Variants in CLEC4F observed in about 807,000 individuals in gnomAD.
CLEC4F encodes C-type lectin domain family 4 member F.
CLEC4F carries 45 observed loss-of-function variants against 53.4 expected under a neutral mutation model. The observed-to-expected ratio is 0.84, with a 90% confidence interval of 0.66 to 1.08. The LOEUF is 1.08. Ranked by LOEUF, CLEC4F falls within the 50% of genes least tolerant of loss-of-function variation. CLEC4F has a pLI of 0.00. For missense variants in CLEC4F, 753 were observed against 698.2 expected (o/e 1.08, Z -0.88); for synonymous variants, 245 against 257.5 (o/e 0.95, Z 0.46).
upstream of CLEC4F, among the ~76,000 whole-genome samples, chr2:70,825,226 T>A (rs1429505748): frequency 1.3e-5 from 2 of 152,066 alleles, no homozygotes; most frequent in African/African-American, 4.8e-5. Context: ...CTCAAAACTG[T>A]CAAAGTCTTC....
Position 70,814,139 on chromosome 2 carries a change from G to C in CLEC4F, c.1388-1541C>G, listed in dbSNP as rs192190001. Among the ~76,000 whole-genome samples, 461 of 152,348 alleles carry C rather than the reference G, an allele frequency of 3.0e-3. 2 individuals are homozygous for C. The highest frequency in any genetic ancestry group is 0.01 in the African/African-American group (434 of 41,582). ...CTACTTGGTATTCTTGGGACATAAAGGATGGGTGAGTGATGAATTTGGACA... is the reference window on the plus strand; with the variant it reads ...CTACTTGGTATTCTTGGGACATAAACGATGGGTGAGTGATGAATTTGGACA... On this transcript the variant is annotated intron_variant, in intron 4 of 6. Coordinates refer to ENST00000272367, the MANE Select transcript of CLEC4F (RefSeq NM_173535.3).
chr2:70,817,104 G>T lies in CLEC4F; in HGVS notation c.277C>A (p.His93Asn), dbSNP rs1401582387. 1 of 1,607,198 alleles carries T rather than the reference G, an allele frequency of 6.2e-7. No homozygotes were observed. Among genetic ancestry groups the T allele is most frequent in the East Asian group, 2.2e-5 (1 of 44,882 alleles). ...HLPFEPNNHH[H>N]FGREAEMREL... ...CGCATTTCTGCCTCCCTGCCAAAGT[G>T]GTGATGATCTGGAGGGAGGAAGTGA... Residue 93 changes from histidine (H) to asparagine (N), a missense_variant, in exon 4 of 7, where the codon CAC becomes AAC. Transcript: ENST00000272367.
chr2:70,818,298 A>C (rs377472625), intron 3 of CLEC4F, among the ~76,000 whole-genome samples: 1 of 152,258 alleles, frequency 6.6e-6, no homozygotes, highest in African/African-American at 2.4e-5. Flanking sequence ...ATCGAATTTC[A>C]ACAAAGGTGC....
chr2:70,821,288 C>T (rs1321610149), upstream of CLEC4F, among the ~76,000 whole-genome samples: 1 of 152,144 alleles, frequency 6.6e-6, no homozygotes, highest in Non-Finnish European at 1.5e-5. Flanking sequence ...CCCCTTAGGA[C>T]TACACTTGGG....
chr2:70,810,871 G>A (rs533507548), intron 5 of CLEC4F: 60 of 553,332 alleles, frequency 1.1e-4, no homozygotes, highest in Non-Finnish European at 1.8e-4. Context: ...GTTATCCTTG[G>A]ACATCAAATT....
upstream of CLEC4F, among the ~76,000 whole-genome samples, chr2:70,824,237 C>A (rs1677293127): frequency 6.6e-6 from 1 of 151,166 alleles, no homozygotes; most frequent in Admixed American, 6.6e-5. Context: ...TTACACCCTA[C>A]AAAATACAGC....
At chr2:70,820,717 C>A (rs1677191105), upstream of CLEC4F, 4 of 543,942 alleles carry the variant, frequency 7.4e-6, no homozygotes, top group Non-Finnish European at 3.3e-6. Context: ...TAGAGGCTCC[C>A]AGATACCCAT....
chr2:70,811,491 A>T, intron 5 of CLEC4F: 1 of 487,786 alleles, frequency 2.1e-6, no homozygotes, highest in South Asian at 1.8e-5. Context: ...AGCACCTCCC[A>T]TAGCTTATTA....
At chr2:70,819,247 G>A in intron 3 of CLEC4F, 108 bp downstream of exon 3, 1 of 811,886 alleles carries the variant, frequency 1.2e-6, no homozygotes, top group East Asian at 2.5e-5. Flanking sequence ...TGAGGATGGT[G>A]GAGCCCATTC....
At position 70,817,113 on chromosome 2, in the gene CLEC4F, C is replaced by A; in HGVS notation, c.269-1G>T. 1.9e-6 allele frequency: 3 copies of A among 1,603,844 alleles called. No individual in the cohort carries two copies. Among genetic ancestry groups the A allele is most frequent in the Non-Finnish European group, 2.5e-6 (3 of 1,178,188 alleles). ...GCCTCCCTGCCAAAGTGGTGATGAT[C>A]TGGAGGGAGGAAGTGAAGAAGGCAG... On this transcript the variant is annotated splice_acceptor_variant, in intron 3 of 6. Transcript: ENST00000272367. LOFTEE classifies it high-confidence loss of function.
In CLEC4F at chr2:70,808,837, C is replaced by T. The variant is rs1401003481; in HGVS notation, c.*434G>A. The T allele has an allele frequency of 1.9e-6, 1 of 540,090 alleles. No homozygotes were observed. Among genetic ancestry groups the T allele is most frequent in the Non-Finnish European group, 3.3e-6 (1 of 299,856 alleles). The allele number at this position is 540,090 out of a possible 1,614,324, so 33.5% of individuals were successfully genotyped here. On this transcript the variant is annotated 3_prime_UTR_variant, in exon 7 of 7. Transcript: ENST00000272367. ...AGTCCACAAGGCCAACGGAAGGTCC[C>T]AGAGAACAAGCAGAGCTCAGAGGCT...
Position 70,809,298 on chromosome 2 carries a change from A to C in CLEC4F, c.1743T>G (p.Pro581=), listed in dbSNP as rs564928246. 1.5e-4 allele frequency: 244 copies of C among 1,614,014 alleles called. 2 individuals are homozygous for C. In the South Asian group the frequency reaches 2.5e-3, roughly 17 times the overall value. ...GMGACSFIDT[P]PCPWILSN is the part of the protein sequence containing the mutation. ...AGTTACTGAGGATCCAGGGACAGGG[A>C]GGGGTGTCTATGAAGCTGCAAGCTC... Residue 581 remains proline, a synonymous_variant, in exon 7 of 7, where the codon CCT becomes CCG. Coordinates refer to ENST00000272367, the MANE Select transcript of CLEC4F (RefSeq NM_173535.3).
In CLEC4F at chr2:70,819,887, CA is replaced by C; in HGVS notation, c.65del (p.Val22GlyfsTer26). ...CTGCAGGAGCCATTGCCACAGAGTCCACCTCTGCAGGGGAGAAGGCAGTGTC... is the reference window on the plus strand; with the variant it reads ...CTGCAGGAGCCATTGCCACAGAGTCCCCTCTGCAGGGGAGAAGGCAGTGTC... Reference protein sequence around the residue: ...NQCVSLHPQEVDSVAMAPAAP... With the variant: ...NQCVSLHPQEXDSVAMAPAAP... On this transcript the variant is annotated frameshift_variant, in exon 2 of 7. Transcript: ENST00000272367. LOFTEE classifies it high-confidence loss of function. 1 of 1,587,880 alleles carries C rather than the reference CA, an allele frequency of 6.3e-7. No homozygotes were observed. Among genetic ancestry groups the C allele is most frequent in the Non-Finnish European group, 8.6e-7 (1 of 1,167,926 alleles).
chr2:70,819,641 CT>C lies in CLEC4F; in HGVS notation c.178+133del, dbSNP rs1391535456. 3.6e-6 allele frequency: 3 copies of C among 837,002 alleles called. No individual in the cohort carries two copies. The African/African-American group carries it at 5.1e-5, about 14-fold the overall frequency. The allele number at this position is 837,002 out of a possible 1,614,324, so 51.8% of individuals were successfully genotyped here. On this transcript the variant is annotated intron_variant, in intron 2 of 6. Coordinates refer to ENST00000272367, the MANE Select transcript of CLEC4F (RefSeq NM_173535.3). ...TTATCTGTTCCCAGGGAAGCTGTGG[CT>C]TGGGCCTGGAGCTGGAGGTGGAATG...
At chr2:70,817,677 A>G (rs367627974) in intron 3 of CLEC4F, among the ~76,000 whole-genome samples, 167 of 152,342 alleles carry the variant, frequency 1.1e-3, no homozygotes, top group African/African-American at 3.8e-3. Flanking sequence ...CACAAAGGAA[A>G]GAAACAGAAA....
chr2:70,817,182 A>G (rs966544602), intron 3 of CLEC4F, 70 bp from the exon 4 acceptor site: 1 of 1,479,646 alleles, frequency 6.8e-7, no homozygotes, highest in Non-Finnish European at 9.0e-7. Context: ...TGGGCCACCC[A>G]GAGTGTTTCT....
At chr2:70,817,347 C>T (rs1310801282) in intron 3 of CLEC4F, among the ~76,000 whole-genome samples, 1 of 152,126 alleles carries the variant, frequency 6.6e-6, no homozygotes, top group Non-Finnish European at 1.5e-5. Flanking sequence ...ATGAAGGGGT[C>T]AGAAGGATTG....
At chr2:70,811,024 G>T (rs1443800798) in intron 5 of CLEC4F, 1 of 621,014 alleles carries the variant, frequency 1.6e-6, no homozygotes, top group Non-Finnish European at 3.1e-6. Context: ...CACTACAGAT[G>T]ATTCCTTTAT....
At chr2:70,824,622 CAAAAAAAA>C (rs1180721472), upstream of CLEC4F, among the ~76,000 whole-genome samples, 2 of 38,768 alleles carry the variant, frequency 5.2e-5, no homozygotes, top group Non-Finnish European at 9.0e-5. Flanking sequence ...GCTTAGTTAC[CAAAAAAAA>C]AAAAAAAAAA....
Sources: allele counts gnomAD v4.1 joint callset (sites outside exome capture counted in the v4.1 genomes callset), GRCh38; gene constraint gnomAD v4.1.1; transcripts MANE v1.5; gene names NCBI Gene and HGNC (gene_info 2026-07-23, HGNC 2026-07-21).